PRKCE: variants seen among roughly 807,000 people sequenced by gnomAD.
PRKCE encodes the protein protein kinase C epsilon.
A neutral mutation model predicts 85.4 loss-of-function variants in PRKCE; 16 were observed. That is an observed-to-expected ratio of 0.19 (90% CI 0.13 to 0.28). The LOEUF (loss-of-function observed/expected upper bound fraction) is 0.28, where lower values mean the gene tolerates loss of function less well. Ranked by LOEUF, PRKCE falls within the 10% of genes least tolerant of loss-of-function variation. The pLI is 1.00. For synonymous variants in PRKCE, 388 were observed against 371.5 expected (o/e 1.04, Z -0.51); for missense variants, 573 against 975.2 (o/e 0.59, Z 5.49).
chr2:45,684,360 G>A (rs1677126838), intron 1 of PRKCE, among the ~76,000 whole-genome samples: 1 of 152,180 alleles, frequency 6.6e-6, no homozygotes, highest in Non-Finnish European at 1.5e-5. Context: ...ACGCTGGGGA[G>A]GATCAGGGCT....
chr2:45,929,718 T>TC (rs1698893785), intron 2 of PRKCE, among the ~76,000 whole-genome samples: 3 of 151,660 alleles, frequency 2.0e-5, no homozygotes, highest in Admixed American at 6.6e-5. Context: ...ATCCCCATCT[T>TC]CCCCCCACCC....
rs78576399 is a variant in PRKCE, at chr2:46,138,412, C to A, written c.1593-6681C>A. On this transcript the variant is annotated intron_variant, in intron 11 of 14. Transcript: ENST00000306156. This position sits in a 1 kb window ranked among gnomAD's most constrained non-coding sequence, Gnocchi z 4.2. Reference sequence around the variant, plus strand: ...AGCCATGTGACCTCAGACAAGTTACCTTTTCTGAGCCTCAGTTTCCTCATA... The same window carrying A: ...AGCCATGTGACCTCAGACAAGTTACATTTTCTGAGCCTCAGTTTCCTCATA... 6.6e-6 allele frequency among the ~76,000 whole-genome samples: 1 copy of A among 152,216 alleles called. No homozygotes were observed. The highest frequency in any genetic ancestry group is 2.4e-5 in the African/African-American group (1 of 41,456).
At chr2:46,065,413 A>G (rs567946359) in intron 10 of PRKCE, among the ~76,000 whole-genome samples, 10 of 152,350 alleles carry the variant, frequency 6.6e-5, no homozygotes, top group Non-Finnish European at 1.2e-4. Context: ...TTTCACGTAA[A>G]GAATTTCTCT....
At chr2:45,879,285 G>A (rs1346154662) in intron 2 of PRKCE, among the ~76,000 whole-genome samples, 1 of 152,222 alleles carries the variant, frequency 6.6e-6, no homozygotes, top group Admixed American at 6.5e-5. Flanking sequence ...TTCAGGGGAA[G>A]AATACCTTCC....
chr2:45,830,155 T>C (rs1690296439), intron 1 of PRKCE, among the ~76,000 whole-genome samples: 1 of 151,498 alleles, frequency 6.6e-6, no homozygotes, highest in Non-Finnish European at 1.5e-5. Context: ...TAGCAAAGCA[T>C]TGTGGGTATT....
chr2:45,759,434 G>C (rs982882945), intron 1 of PRKCE, among the ~76,000 whole-genome samples: 1 of 152,142 alleles, frequency 6.6e-6, no homozygotes, highest in African/African-American at 2.4e-5. Context: ...GAACGAGCTC[G>C]GCCCAGCTGG....
At chr2:45,753,339 A>G (rs1683738473) in intron 1 of PRKCE, among the ~76,000 whole-genome samples, 1 of 152,244 alleles carries the variant, frequency 6.6e-6, no homozygotes, top group Non-Finnish European at 1.5e-5. Context: ...CAGGAGCCAC[A>G]CTTCGACAAC....
At chr2:45,748,607 C>T (rs1208599053) in intron 1 of PRKCE, among the ~76,000 whole-genome samples, 2 of 152,222 alleles carry the variant, frequency 1.3e-5, no homozygotes, top group East Asian at 3.8e-4. Context: ...GGCAGATACT[C>T]TGGCTTTTTG....
At chr2:46,122,834 T>TG (rs1315456254) in intron 11 of PRKCE, among the ~76,000 whole-genome samples, 1 of 146,614 alleles carries the variant, frequency 6.8e-6, no homozygotes, top group Non-Finnish European at 1.5e-5. Flanking sequence ...GGTCAGGAAG[T>TG]GGGGGCGCAG....
intron 1 of PRKCE, among the ~76,000 whole-genome samples, chr2:45,679,101 C>A (rs1227115995): frequency 6.6e-6 from 1 of 151,986 alleles, no homozygotes; most frequent in Non-Finnish European, 1.5e-5. Flanking sequence ...AGAGAAACAC[C>A]CTTCTTTTGG....
At chr2:46,165,982 A>AGAGT in intron 14 of PRKCE, among the ~76,000 whole-genome samples, 1 of 152,340 alleles carries the variant, frequency 6.6e-6, no homozygotes, top group Non-Finnish European at 1.5e-5. Context: ...TAAGGCCTCC[A>AGAGT]GAGTGGGGAG....
intron 2 of PRKCE, among the ~76,000 whole-genome samples, chr2:45,886,604 C>A (rs934879371): frequency 2.0e-5 from 3 of 152,212 alleles, no homozygotes; most frequent in Non-Finnish European, 2.9e-5. Flanking sequence ...AAAAATACAG[C>A]TGACGTGATA....
At chr2:45,865,358 G>C (rs796686498) in intron 2 of PRKCE, among the ~76,000 whole-genome samples, 31 of 152,326 alleles carry the variant, frequency 2.0e-4, no homozygotes, top group African/African-American at 7.2e-4. Context: ...CAGAATCTCA[G>C]AGGGTAGGGC....
At chr2:46,156,028 C>CAAA (rs141274104) in intron 13 of PRKCE, among the ~76,000 whole-genome samples, 1 of 112,104 alleles carries the variant, frequency 8.9e-6, no homozygotes, top group Admixed American at 8.9e-5. Context: ...ACTTCATGTA[C>CAAA]AAAAAAAAAT....
At chr2:45,962,296 C>T (rs1701436693) in intron 2 of PRKCE, among the ~76,000 whole-genome samples, 1 of 152,212 alleles carries the variant, frequency 6.6e-6, no homozygotes. Flanking sequence ...AGAAATCTGG[C>T]TGAGATTTAA....
chr2:46,031,065 A>G (rs1179202540), intron 10 of PRKCE, among the ~76,000 whole-genome samples: 1 of 152,244 alleles, frequency 6.6e-6, no homozygotes, highest in Non-Finnish European at 1.5e-5. Flanking sequence ...TCCCTTAAAT[A>G]CTACTTTGGA....
rs1459969276 is a variant in PRKCE, at chr2:45,652,396, C to T, written c.296C>T (p.Thr99Ile). 6.2e-7 allele frequency: 1 copy of T among 1,612,520 alleles called. No individual in the cohort carries two copies. The highest frequency in any genetic ancestry group is 1.7e-5 in the Admixed American group (1 of 60,012). The change falls in exon 1 of 15, where the codon ACC (threonine) becomes ATC (isoleucine). Residue 99 changes from threonine (T) to isoleucine (I), a missense_variant. Transcript: ENST00000306156. The surrounding 1 kb of genome is among the most constrained non-coding windows in gnomAD (Gnocchi z 7.7). ...IGYDDFVANCTIQFEELLQNG... is the reference protein window; with the variant it reads ...IGYDDFVANCIIQFEELLQNG... ...TACGACGACTTCGTGGCCAACTGCA[C>T]CATCCAGTTTGAGGAGCTGCTGCAG...
At chr2:45,830,928 G>A (rs1690371180) in intron 1 of PRKCE, among the ~76,000 whole-genome samples, 1 of 152,178 alleles carries the variant, frequency 6.6e-6, no homozygotes, top group African/African-American at 2.4e-5. Context: ...CAAAAACAAG[G>A]GAATAACTCA....
rs368805805 is a variant in PRKCE at position 45,767,090 on chromosome 2, C to T, written c.349-75910C>T. 4.6e-5 allele frequency among the ~76,000 whole-genome samples: 7 copies of T among 151,890 alleles called. No individual in the cohort carries two copies. In the East Asian group the frequency reaches 5.8e-4, roughly 13 times the overall value. On this transcript the variant is annotated intron_variant, in intron 1 of 14. Transcript: ENST00000306156. The stretch of plus-strand genomic sequence containing the variant: ...TGTGGGCAAATTTGGAAAAATGGCA[C>T]GGTCATGTTCTACTTTGGTCTTTGC...
Sources: gnomAD v4.1 joint callset for allele counts (sites outside exome capture counted in the v4.1 genomes callset) on GRCh38, gnomAD v4.1.1 for gene constraint, Gnocchi (gnomAD v3.1) non-coding constraint, MANE v1.5 for transcripts, NCBI Gene and HGNC (gene_info 2026-07-23, HGNC 2026-07-21) for gene names.